The following SPEN variants were observed in gnomAD, a reference collection of about 807,000 sequenced individuals.
The protein encoded by SPEN is spen family transcriptional repressor.
In SPEN, 18 loss-of-function variants were observed where a neutral mutation model predicts 269.9. The ratio of observed to expected loss-of-function variants is 0.07; its 90% confidence interval spans 0.05 to 0.10. The LOEUF is 0.10. Among genes scored for constraint, SPEN ranks in the 10% least tolerant of loss-of-function variants. The pLI, the probability that SPEN is intolerant of heterozygous loss-of-function variation, is 1.00. For missense variants in SPEN, 3,822 were observed against 4,631.2 expected (o/e 0.83, Z 5.07); for synonymous variants, 1,726 against 1,765.7 (o/e 0.98, Z 0.56).
At chr1:15,884,967 G>T (rs2070722942) in intron 3 of SPEN, among the ~76,000 whole-genome samples, 1 of 152,082 alleles carries the variant, frequency 6.6e-6, no homozygotes, top group African/African-American at 2.4e-5. Context: ...CTGGCCTCAA[G>T]TGATCCACCT....
At chr1:15,895,501 A>T (rs2070833496) in intron 3 of SPEN, among the ~76,000 whole-genome samples, 1 of 152,044 alleles carries the variant, frequency 6.6e-6, no homozygotes, top group Non-Finnish European at 1.5e-5. Context: ...TCATAATTTC[A>T]TTCCTTTATA....
intron 3 of SPEN, among the ~76,000 whole-genome samples, chr1:15,899,623 C>T (rs1021404840): frequency 1.4e-5 from 2 of 146,642 alleles, no homozygotes; most frequent in Admixed American, 7.0e-5. Flanking sequence ...CCTTCTGCCT[C>T]AGGCTCCCAA....
rs562831184 is a variant in SPEN at position 15,926,380 on chromosome 1, TACATACACACACACACAC to T, written c.1851-1707_1851-1690del. Among the ~76,000 whole-genome samples the T allele has an allele frequency of 6.4e-5, 9 of 141,388 alleles. No homozygotes were observed. The South Asian group carries it at 1.4e-3, about 22-fold the overall frequency. The allele number at this position is 141,388 out of a possible 152,430, so 92.8% of individuals were successfully genotyped here. A position where few individuals can be genotyped will look rare whatever the true frequency, so the allele number is the denominator to read the frequency against. ...GCCACTGCACTCCAGCTCAGATATATACATACACACACACACACACACACACACACACATTTATAAATA... is the reference window on the plus strand; with the variant it reads ...GCCACTGCACTCCAGCTCAGATATATACACACACACACACATTTATAAATA... On this transcript the variant is annotated intron_variant, in intron 10 of 14. Transcript: ENST00000375759.
intron 3 of SPEN, among the ~76,000 whole-genome samples, chr1:15,908,518 G>C (rs1004267473): frequency 6.6e-6 from 1 of 151,894 alleles, no homozygotes; most frequent in African/African-American, 2.4e-5. Context: ...TGCCTCCCAG[G>C]TTCACGCCAT....
At chr1:15,924,135 G>C (rs539608125) in intron 10 of SPEN, among the ~76,000 whole-genome samples, 1 of 152,318 alleles carries the variant, frequency 6.6e-6, no homozygotes, top group South Asian at 2.1e-4. Flanking sequence ...TTTCTCAGTT[G>C]TGTGAGTGTA....
chr1:15,875,411 A>C (rs1018519956), intron 2 of SPEN, among the ~76,000 whole-genome samples: 5 of 152,350 alleles, frequency 3.3e-5, no homozygotes, highest in Non-Finnish European at 5.9e-5. Flanking sequence ...CATTGAGTTT[A>C]TACATTAAGA....
At chr1:15,911,888 G>T (rs1035152103) in intron 5 of SPEN, among the ~76,000 whole-genome samples, 3 of 152,258 alleles carry the variant, frequency 2.0e-5, no homozygotes, top group Admixed American at 2.0e-4. Context: ...GTGAACCCGG[G>T]AGGTCAAGGT....
At chr1:15,864,889 A>AG (rs1032839799) in intron 1 of SPEN, among the ~76,000 whole-genome samples, 116 of 149,802 alleles carry the variant, frequency 7.7e-4, no homozygotes, top group African/African-American at 2.6e-3. Flanking sequence ...GGAGGTGGGG[A>AG]GGGGTCTTGC....
intron 3 of SPEN, among the ~76,000 whole-genome samples, chr1:15,898,175 G>T (rs984515743): frequency 6.1e-5 from 3 of 48,974 alleles, no homozygotes; most frequent in Non-Finnish European, 8.4e-5. Flanking sequence ...ATTTATCTTT[G>T]TGTGTGTGTG....
intron 3 of SPEN, among the ~76,000 whole-genome samples, chr1:15,877,957 C>T (rs1014162012): frequency 9.2e-5 from 14 of 151,920 alleles, no homozygotes; most frequent in African/African-American, 3.1e-4. Context: ...GTTGGCCAGG[C>T]TGGTCTCTAA....
intron 3 of SPEN, among the ~76,000 whole-genome samples, chr1:15,877,944 C>T (rs1001266927): frequency 3.3e-5 from 5 of 151,754 alleles, no homozygotes; most frequent in African/African-American, 1.2e-4. Flanking sequence ...GGGGTTTTAC[C>T]GTGTTGGCCA....
chr1:15,924,191 ATG>A (rs1287712578), intron 10 of SPEN, among the ~76,000 whole-genome samples: 1 of 152,128 alleles, frequency 6.6e-6, no homozygotes, highest in African/African-American at 2.4e-5. Flanking sequence ...ATGCAGGAGA[ATG>A]TGTGTGTCTC....
chr1:15,860,060 C>T (rs924617096), intron 1 of SPEN, among the ~76,000 whole-genome samples: 6 of 151,062 alleles, frequency 4.0e-5, no homozygotes, highest in Non-Finnish European at 8.9e-5. Context: ...TACAGGCGCC[C>T]GCCACCACAC....
At chr1:15,898,173 T>TGTG (rs2070860896) in intron 3 of SPEN, among the ~76,000 whole-genome samples, 5 of 147,496 alleles carry the variant, frequency 3.4e-5, no homozygotes, top group Non-Finnish European at 6.0e-5. Flanking sequence ...TAATTTATCT[T>TGTG]TGTGTGTGTG....
At position 15,908,092 on chromosome 1, in the gene SPEN, C is replaced by T. The variant is rs187247893; in HGVS notation, c.882-1229C>T. 1.1e-3 allele frequency among the ~76,000 whole-genome samples: 168 copies of T among 152,196 alleles called. 1 individual carries two copies. Among genetic ancestry groups the T allele is most frequent in the Non-Finnish European group, 3.4e-4 (23 of 68,014 alleles). On this transcript the variant is annotated intron_variant, in intron 3 of 14. Transcript: ENST00000375759. ...ACATAATATTTATTCATTAGTCCTT[C>T]AGTAATTTAAAAATTGCACCTACCT...
At chr1:15,911,433 C>T in intron 5 of SPEN, 132 bp downstream of exon 5, 1 of 714,282 alleles carries the variant, frequency 1.4e-6, no homozygotes. Context: ...TTTCCATTGT[C>T]TTCTGTTTTA....
intron 3 of SPEN, among the ~76,000 whole-genome samples, chr1:15,884,715 T>C (rs895363317): frequency 5.7e-5 from 8 of 141,200 alleles, no homozygotes; most frequent in Admixed American, 3.7e-4. Flanking sequence ...CCTTTTCCTT[T>C]TCCTTTTGTT....
chr1:15,884,984 G>A lies in SPEN; in HGVS notation c.881+8306G>A, dbSNP rs181154944. ...GGCCTCAAGTGATCCACCTGCCTCC[G>A]CCTCCCAAAGTGCTGGGATTTCAGG... is the stretch of plus-strand genomic sequence containing the variant. On this transcript the variant is annotated intron_variant, in intron 3 of 14. Coordinates refer to ENST00000375759, the MANE Select transcript of SPEN (RefSeq NM_015001.3). Among the ~76,000 whole-genome samples the A allele has an allele frequency of 6.6e-3, 1,004 of 152,112 alleles. 8 individuals are homozygous for A. Among genetic ancestry groups the A allele is most frequent in the Middle Eastern group, 0.02 (6 of 294 alleles).
intron 10 of SPEN, among the ~76,000 whole-genome samples, chr1:15,927,310 G>A (rs1013659279): frequency 6.6e-6 from 1 of 152,130 alleles, no homozygotes; most frequent in Non-Finnish European, 1.5e-5. Flanking sequence ...ATTTACTGAG[G>A]CCAAGTACCT....
Sources: gnomAD v4.1 joint callset for allele counts (sites outside exome capture counted in the v4.1 genomes callset) on GRCh38, gnomAD v4.1.1 for gene constraint, MANE v1.5 for transcripts, NCBI Gene and HGNC (gene_info 2026-07-23, HGNC 2026-07-21) for gene names.